BTRC: variants seen among roughly 807,000 people sequenced by gnomAD.
BTRC encodes the protein F-box/WD repeat-containing protein 1A.
Under a neutral mutation model 85.5 loss-of-function variants are expected in BTRC, and 42 were observed. That is an observed-to-expected ratio of 0.49 (90% CI 0.38 to 0.64). BTRC has a LOEUF of 0.64. Among genes scored for constraint, BTRC ranks in the 30% least tolerant of loss-of-function variants. The pLI is 0.00. For synonymous variants in BTRC, 255 were observed against 263.3 expected (o/e 0.97, Z 0.30); for missense variants, 594 against 743.5 (o/e 0.80, Z 2.34).
At chr10:101,398,476 G>A (rs568455376) in intron 1 of BTRC, among the ~76,000 whole-genome samples, 15 of 151,950 alleles carry the variant, frequency 9.9e-5, no homozygotes, top group African/African-American at 3.6e-4. Context: ...ATAATGTTTT[G>A]TATTTTTTAG....
chr10:101,516,184 T>C (rs1229988370), intron 4 of BTRC, among the ~76,000 whole-genome samples: 1 of 151,994 alleles, frequency 6.6e-6, no homozygotes, highest in Non-Finnish European at 1.5e-5. Context: ...TCATTAAGAG[T>C]GTTGATTGAC....
rs539728947 is a variant in BTRC at position 101,438,964 on chromosome 10, A to C, written c.156+8512A>C. 2.2e-4 allele frequency among the ~76,000 whole-genome samples: 34 copies of C among 152,294 alleles called. 1 individual carries two copies. The highest frequency in any genetic ancestry group is 7.5e-4 in the African/African-American group (31 of 41,540). ...TATTTACAGTGAGATTATAAAACTG[A>C]ATCATGATTTTGGTGAATAGAAGCC... On this transcript the variant is annotated intron_variant, in intron 2 of 14. Coordinates refer to ENST00000370187, the MANE Select transcript of BTRC (RefSeq NM_033637.4).
At chr10:101,368,721 A>G (rs1409660209) in intron 1 of BTRC, among the ~76,000 whole-genome samples, 1 of 151,904 alleles carries the variant, frequency 6.6e-6, no homozygotes, top group Non-Finnish European at 1.5e-5. Context: ...TGCTCACTTA[A>G]TATCGTCTTT....
chr10:101,461,828 G>T (rs1050154429), intron 2 of BTRC, 153 bp from the exon 3 acceptor site: 32 of 495,508 alleles, frequency 6.5e-5, no homozygotes, highest in African/African-American at 5.4e-4. Context: ...TTTTACATAT[G>T]TGTATATCTG....
At chr10:101,406,932 TTAATCATCTGTCC>T (rs1490653932) in intron 1 of BTRC, among the ~76,000 whole-genome samples, 1 of 152,248 alleles carries the variant, frequency 6.6e-6, no homozygotes, top group Non-Finnish European at 1.5e-5. Context: ...GGTTTTTAAA[TTAATCATCTGTCC>T]TGATCATCTG....
At chr10:101,522,204 C>T (rs2062118313) in intron 5 of BTRC, among the ~76,000 whole-genome samples, 1 of 147,516 alleles carries the variant, frequency 6.8e-6, no homozygotes, top group Admixed American at 6.7e-5. Context: ...CCACACTGGG[C>T]TAATTTTTTG....
At chr10:101,543,413 T>G (rs1266501614) in intron 13 of BTRC, among the ~76,000 whole-genome samples, 1 of 152,146 alleles carries the variant, frequency 6.6e-6, no homozygotes, top group African/African-American at 2.4e-5. Context: ...TGTCTTTATA[T>G]TTAAAATGAA....
At chr10:101,504,525 C>T (rs1946469843) in intron 4 of BTRC, among the ~76,000 whole-genome samples, 1 of 152,040 alleles carries the variant, frequency 6.6e-6, no homozygotes, top group African/African-American at 2.4e-5. Context: ...TCATCCTTAT[C>T]CCATCTCTCA....
At chr10:101,474,855 T>G (rs918133716) in intron 3 of BTRC, among the ~76,000 whole-genome samples, 5 of 152,212 alleles carry the variant, frequency 3.3e-5, no homozygotes, top group Non-Finnish European at 5.9e-5. Flanking sequence ...TAAGTCGATC[T>G]CCAGTGCCTT....
intron 4 of BTRC, among the ~76,000 whole-genome samples, chr10:101,479,874 G>A (rs1427742561): frequency 6.6e-6 from 1 of 152,168 alleles, no homozygotes; most frequent in Non-Finnish European, 1.5e-5. Flanking sequence ...TATTTATTGA[G>A]TGGCTAATGT....
intron 1 of BTRC, among the ~76,000 whole-genome samples, chr10:101,376,257 G>A (rs1443920006): frequency 1.3e-5 from 2 of 152,138 alleles, no homozygotes; most frequent in African/African-American, 2.4e-5. Flanking sequence ...ACCAGGAGGC[G>A]GAGGTTTCAG....
intron 3 of BTRC, among the ~76,000 whole-genome samples, chr10:101,478,243 G>C (rs1945742604): frequency 1.3e-5 from 2 of 151,550 alleles, no homozygotes; most frequent in Non-Finnish European, 2.9e-5. Context: ...GGAGGTTGTA[G>C]TGAGCCGAGA....
At chr10:101,490,455 G>A (rs544080714) in intron 4 of BTRC, among the ~76,000 whole-genome samples, 2 of 152,142 alleles carry the variant, frequency 1.3e-5, no homozygotes, top group East Asian at 1.9e-4. Context: ...GGAACGAGAA[G>A]CTTAGATAAG....
At chr10:101,382,717 G>C (rs1942967189) in intron 1 of BTRC, among the ~76,000 whole-genome samples, 1 of 152,166 alleles carries the variant, frequency 6.6e-6, no homozygotes, top group African/African-American at 2.4e-5. Flanking sequence ...GTTTCACGCA[G>C]TAGTTTTACC....
intron 13 of BTRC, among the ~76,000 whole-genome samples, chr10:101,543,233 C>T (rs1380718993): frequency 2.6e-5 from 4 of 152,126 alleles, no homozygotes; most frequent in African/African-American, 9.7e-5. Context: ...GGATTTTTGT[C>T]TTAGTGATTA....
intron 2 of BTRC, among the ~76,000 whole-genome samples, chr10:101,446,127 C>A (rs886105727): frequency 4.8e-4 from 67 of 140,444 alleles, no homozygotes; most frequent in African/African-American, 1.6e-3. Flanking sequence ...CAACCCCCTC[C>A]GTGCTCAGAA....
intron 4 of BTRC, among the ~76,000 whole-genome samples, chr10:101,485,839 A>G (rs947394266): frequency 6.6e-6 from 1 of 152,062 alleles, no homozygotes; most frequent in African/African-American, 2.4e-5. Context: ...GTGAAAAGGG[A>G]GAGGTTAGGG....
chr10:101,470,273 G>A (rs1250859284), intron 3 of BTRC, among the ~76,000 whole-genome samples: 1 of 147,604 alleles, frequency 6.8e-6, no homozygotes, highest in Admixed American at 6.8e-5. Flanking sequence ...TTTATGGTAT[G>A]TTTTGATGAG....
intron 4 of BTRC, among the ~76,000 whole-genome samples, chr10:101,508,913 T>TAAAAAAAAAAAAAAAAA (rs59998718): frequency 6.8e-4 from 69 of 101,924 alleles, no homozygotes; most frequent in Non-Finnish European, 8.6e-4. Flanking sequence ...GACTCCATCT[T>TAAAAAAAAAAAAAAAAA]AAAAAAAAAA....
Sources: gnomAD v4.1 joint callset for allele counts (sites outside exome capture counted in the v4.1 genomes callset) on GRCh38, gnomAD v4.1.1 for gene constraint, MANE v1.5 for transcripts, NCBI Gene and HGNC (gene_info 2026-07-23, HGNC 2026-07-21) for gene names.